MMP26: variants seen among roughly 807,000 people sequenced by gnomAD.
The protein encoded by MMP26 is matrix metallopeptidase 26.
A neutral mutation model predicts 31.0 loss-of-function variants in MMP26; 33 were observed. The observed-to-expected ratio is 1.06, with a 90% CI of 0.81 to 1.42. The LOEUF is 1.42. Ranked by LOEUF, MMP26 falls within the 40% of genes most tolerant of loss-of-function variation. The pLI, the probability that MMP26 is intolerant of heterozygous loss-of-function variation, is 0.00. For missense variants in MMP26, 347 were observed against 316.1 expected (o/e 1.10, Z -0.74); for synonymous variants, 122 against 114.9 (o/e 1.06, Z -0.40).
At chr11:4,887,770 A>G (rs2595982) in intron 2 of MMP26, among the ~76,000 whole-genome samples, 51,974 of 151,988 alleles carry the variant, frequency 0.34, 10,317 homozygotes, top group East Asian at 0.91. Context: ...TACAAGTGCT[A>G]GAGACATGCC....
chr11:4,884,139 T>C (rs1850516423), intron 2 of MMP26, among the ~76,000 whole-genome samples: 1 of 152,144 alleles, frequency 6.6e-6, no homozygotes, highest in South Asian at 2.1e-4. Context: ...TTAAAAGTAA[T>C]TGCATGAGTT....
intron 2 of MMP26, among the ~76,000 whole-genome samples, chr11:4,841,229 A>G (rs1849790124): frequency 6.6e-6 from 1 of 152,206 alleles, no homozygotes; most frequent in African/African-American, 2.4e-5. Flanking sequence ...AGATGGAGAA[A>G]GAGATAAGAG....
In MMP26 at chr11:4,821,563, C is replaced by T. The variant is rs111849521; in HGVS notation, c.-145+54222C>T. 1,915 of 1,612,884 alleles carry T rather than the reference C, an allele frequency of 1.2e-3. 22 individuals are homozygous for T. The African/African-American group carries it at 0.018, about 15-fold the overall frequency. On this transcript the variant is annotated intron_variant, in intron 2 of 7. Transcript: ENST00000380390. ...TGCCGTCTCTGGAAATAGCATGATC[C>T]TGTTTGTGGTCCTCTGTGAACGGAG...
Position 4,876,159 on chromosome 11 carries a change from G to T in MMP26, c.-145+108818G>T, listed in dbSNP as rs1170144893. 13 of 152,202 alleles carry T rather than the reference G, an allele frequency of 8.5e-5. 1 individual carries two copies. In the South Asian group the frequency reaches 2.3e-3, roughly 27 times the overall value. 9.4% of individuals were successfully genotyped at this position (152,202 alleles called of 1,614,324 possible). ...TGAACAGCCCTTATATTAGGACTGTGGTTATATTCTTCATGGTTATTGGTG... is the reference window on the plus strand; with the variant it reads ...TGAACAGCCCTTATATTAGGACTGTTGTTATATTCTTCATGGTTATTGGTG... On this transcript the variant is annotated intron_variant, in intron 2 of 7. Coordinates refer to ENST00000380390, the MANE Select transcript of MMP26 (RefSeq NM_021801.5).
chr11:4,820,156 C>G (rs41520952), intron 2 of MMP26, among the ~76,000 whole-genome samples: 1 of 152,144 alleles, frequency 6.6e-6, no homozygotes, highest in East Asian at 1.9e-4. Flanking sequence ...TTATGCATTC[C>G]TCAGCTTTAC....
rs576676044 is a variant in MMP26 at position 4,866,703 on chromosome 11, C to A, written c.-145+99362C>A. Among the ~76,000 whole-genome samples, 10 of 152,196 alleles carry A rather than the reference C, an allele frequency of 6.6e-5. No individual in the cohort carries two copies. The South Asian group carries it at 2.1e-3, about 32-fold the overall frequency. On this transcript the variant is annotated intron_variant, in intron 2 of 7. Transcript: ENST00000380390. The stretch of plus-strand genomic sequence containing the variant: ...AAACTATATTACAAGGCTACAGTAA[C>A]CAAAACAGCATGGTACAGGTACAAG...
At position 4,990,678 on chromosome 11, in the gene MMP26, T is replaced by C. The variant is rs780370499; in HGVS notation, c.401T>C (p.Val134Ala). Residue 134 changes from valine (V) to alanine (A), a missense_variant, in exon 5 of 8, where the codon GTG becomes GCG. Val to Ala is a moderately conservative substitution (Grantham distance 64, BLOSUM62 0). Coordinates refer to ENST00000380390, the MANE Select transcript of MMP26 (RefSeq NM_021801.5). ...AATGCAGTTTCCATCTGGAGCAATG[T>C]GACCCCTTTGATATTCCAGCAAGTG... ...IYNAVSIWSN[V>A]TPLIFQQVQN... 5 of 1,614,024 alleles carry C rather than the reference T, an allele frequency of 3.1e-6. No homozygotes were observed. Among genetic ancestry groups the C allele is most frequent in the East Asian group, 2.2e-5 (1 of 44,870 alleles).
At chr11:4,757,489 A>G (rs935154204) in intron 1 of MMP26, among the ~76,000 whole-genome samples, 1 of 151,686 alleles carries the variant, frequency 6.6e-6, no homozygotes, top group Non-Finnish European at 1.5e-5. Flanking sequence ...GACTTCAAAC[A>G]AAAAAAAGTA....
chr11:4,933,814 A>T (rs1375234492), intron 2 of MMP26, among the ~76,000 whole-genome samples: 1 of 148,458 alleles, frequency 6.7e-6, no homozygotes, highest in Non-Finnish European at 1.5e-5. Context: ...ATAAGTGAGA[A>T]TATGCAGTGT....
chr11:4,807,105 A>G (rs1849280970), intron 2 of MMP26, among the ~76,000 whole-genome samples: 1 of 152,202 alleles, frequency 6.6e-6, no homozygotes, highest in African/African-American at 2.4e-5. Context: ...ACTTAGCACT[A>G]TAGACTTAAA....
intron 2 of MMP26, chr11:4,860,008 A>G: frequency 2.1e-6 from 1 of 471,120 alleles, no homozygotes; most frequent in South Asian, 1.5e-5. Context: ...TAGCCGCATC[A>G]TGTTTTGGTG....
chr11:4,727,470 T>A (rs2133280839), intron 1 of MMP26, among the ~76,000 whole-genome samples: 1 of 152,310 alleles, frequency 6.6e-6, no homozygotes, highest in Admixed American at 6.5e-5. Flanking sequence ...AATCTGTATT[T>A]TTTAAAATGT....
chr11:4,757,277 GA>G (rs912996952), intron 1 of MMP26, among the ~76,000 whole-genome samples: 5 of 140,652 alleles, frequency 3.6e-5, no homozygotes, highest in East Asian at 1.9e-4. Context: ...ATATCACTAT[GA>G]AAAAAAATAA....
At chr11:4,884,562 T>A (rs1850523253) in intron 2 of MMP26, among the ~76,000 whole-genome samples, 1 of 152,112 alleles carries the variant, frequency 6.6e-6, no homozygotes, top group African/African-American at 2.4e-5. Flanking sequence ...GCAGAGTCTC[T>A]GACCCTGAAA....
At chr11:4,991,553 T>C (rs2133654363) in intron 6 of MMP26, 57 bp downstream of exon 6, 2 of 1,590,802 alleles carry the variant, frequency 1.3e-6, no homozygotes, top group South Asian at 2.3e-5. Flanking sequence ...GGGTTCAGTG[T>C]TGATGGTTTC....
chr11:4,735,718 A>G (rs61883470), intron 1 of MMP26, among the ~76,000 whole-genome samples: 10 of 152,232 alleles, frequency 6.6e-5, no homozygotes, highest in African/African-American at 2.4e-5. Flanking sequence ...AAATGAAAGA[A>G]TGAATCAGTG....
At chr11:4,960,433 C>T (rs1846505330) in intron 2 of MMP26, among the ~76,000 whole-genome samples, 1 of 151,728 alleles carries the variant, frequency 6.6e-6, no homozygotes. Flanking sequence ...CAAAGACCTG[C>T]TCTCTGCCCA....
At chr11:4,748,419 G>A (rs1173388797) in intron 1 of MMP26, among the ~76,000 whole-genome samples, 2 of 151,766 alleles carry the variant, frequency 1.3e-5, no homozygotes, top group African/African-American at 4.8e-5. Flanking sequence ...ATCAAGGAGG[G>A]GGGAATTACC....
chr11:4,754,685 A>G (rs931812918), intron 1 of MMP26, among the ~76,000 whole-genome samples: 1 of 152,044 alleles, frequency 6.6e-6, no homozygotes, highest in Non-Finnish European at 1.5e-5. Flanking sequence ...GTAGATGGAA[A>G]TTAGTTTGGC....
Sources: allele counts gnomAD v4.1 joint callset (sites outside exome capture counted in the v4.1 genomes callset), GRCh38; gene constraint gnomAD v4.1.1; transcripts MANE v1.5; gene names NCBI Gene and HGNC (gene_info 2026-07-23, HGNC 2026-07-21).